The following TXN variants were observed in gnomAD, a reference collection of about 807,000 sequenced individuals.
TXN encodes thioredoxin.
A neutral mutation model predicts 16.5 loss-of-function variants in TXN; 10 were observed. That is an observed-to-expected ratio of 0.61 (90% CI 0.37 to 1.03). TXN has a LOEUF of 1.03. Ranked by LOEUF, TXN falls within the 50% of genes least tolerant of loss-of-function variation. The pLI, the probability that TXN is intolerant of heterozygous loss-of-function variation, is 0.01. For synonymous variants in TXN, 35 were observed against 39.4 expected, an observed-to-expected ratio of 0.89 and a Z score of 0.42; for missense variants, 71 against 122.5, an observed-to-expected ratio of 0.58 and a Z score of 1.98.
intron 3 of TXN, among the ~76,000 whole-genome samples, chr9:110,245,650 A>ATTTT (rs1230575444): frequency 2.8e-4 from 7 of 24,642 alleles, no homozygotes; most frequent in East Asian, 2.7e-3. Flanking sequence ...ATATATATAT[A>ATTTT]TATATTTTTT....
chr9:110,256,316 T>G lies in TXN; in HGVS notation c.24+96A>C. The G allele has an allele frequency of 6.6e-6, 8 of 1,218,128 alleles. No homozygotes were observed. Among genetic ancestry groups the G allele is most frequent in the Non-Finnish European group, 9.2e-6 (8 of 874,204 alleles). 75.5% of individuals were successfully genotyped at this position (1,218,128 alleles called of 1,614,324 possible). A position where few individuals can be genotyped will look rare whatever the true frequency, so the allele number is the denominator to read the frequency against. ...GATGCGGAGGGGCGGCCTCCGCACCTCCCGCCACCGCCTTCCCCACCTCCC... is the reference window on the plus strand; with the variant it reads ...GATGCGGAGGGGCGGCCTCCGCACCGCCCGCCACCGCCTTCCCCACCTCCC... On this transcript the variant is annotated intron_variant, in intron 1 of 4. Transcript: ENST00000374517. This position sits in a 1 kb window ranked among gnomAD's most constrained non-coding sequence, Gnocchi z 4.2.
chr9:110,251,272 C>T lies in TXN; in HGVS notation c.129+86G>A. 3 of 1,033,360 alleles carry T rather than the reference C, an allele frequency of 2.9e-6. No homozygotes were observed. In the South Asian group the frequency reaches 4.0e-5, roughly 14 times the overall value. 64.0% of individuals were successfully genotyped at this position (1,033,360 alleles called of 1,614,324 possible). A position where few individuals can be genotyped will look rare whatever the true frequency, so the allele number is the denominator to read the frequency against. On this transcript the variant is annotated intron_variant, in intron 2 of 4. Coordinates refer to ENST00000374517, the MANE Select transcript of TXN (RefSeq NM_003329.4). ...AAATCCCCCCACCGAAACCAAAATC[C>T]TTTAACTGTCTTTCTTTCCTACCAC...
chr9:110,251,321 C>G (rs1333421757), intron 2 of TXN, 37 bp downstream of exon 2: 8 of 1,510,914 alleles, frequency 5.3e-6, no homozygotes, highest in Non-Finnish European at 7.3e-6. Flanking sequence ...TCAAAAAACA[C>G]AAATCTCTTA....
intron 3 of TXN, among the ~76,000 whole-genome samples, chr9:110,245,536 A>C (rs1179454020): frequency 1.4e-5 from 2 of 138,848 alleles, no homozygotes; most frequent in African/African-American, 5.4e-5. Flanking sequence ...CAGCCTCCCC[A>C]GTAGCTGGGA....
At chr9:110,244,930 T>G in intron 3 of TXN, 87 bp from the exon 4 acceptor site, 2 of 1,074,610 alleles carry the variant, frequency 1.9e-6, no homozygotes, top group Non-Finnish European at 2.8e-6. Context: ...ACCAGAAACT[T>G]TTCCCTGTCA....
At chr9:110,245,641 TA>T (rs1564367433) in intron 3 of TXN, among the ~76,000 whole-genome samples, 386 of 32,828 alleles carry the variant, frequency 0.012, 36 homozygotes, top group African/African-American at 0.045. Context: ...TATATATATA[TA>T]TATATATATA....
At chr9:110,245,631 T>C (rs1225647305) in intron 3 of TXN, among the ~76,000 whole-genome samples, 2 of 21,740 alleles carry the variant, frequency 9.2e-5, no homozygotes, top group African/African-American at 4.7e-4. Context: ...TATATATATA[T>C]ATATATATAT....
chr9:110,245,400 G>A (rs1450071769), intron 3 of TXN, among the ~76,000 whole-genome samples: 1 of 150,738 alleles, frequency 6.6e-6, no homozygotes, highest in East Asian at 2.0e-4. Flanking sequence ...CCCCACACTG[G>A]GTTTACTGAT....
chr9:110,255,152 G>T (rs1363759885), intron 1 of TXN, among the ~76,000 whole-genome samples: 1 of 152,154 alleles, frequency 6.6e-6, no homozygotes, highest in African/African-American at 2.4e-5. Flanking sequence ...TTCTGTTTCC[G>T]AAGCCCACCC....
chr9:110,253,100 C>T (rs727495), intron 1 of TXN, among the ~76,000 whole-genome samples: 3 of 150,074 alleles, frequency 2.0e-5, no homozygotes, highest in African/African-American at 2.5e-5. Flanking sequence ...CAAGAGGTCT[C>T]GTAAAGAAAG....
Position 110,256,418 on chromosome 9 carries a change from C to G in TXN, c.18G>C (p.Glu6Asp), listed in dbSNP as rs1014607001. 4 of 1,607,602 alleles carry G rather than the reference C, an allele frequency of 2.5e-6. No homozygotes were observed. Among genetic ancestry groups the G allele is most frequent in the East Asian group, 2.2e-5 (1 of 44,502 alleles). The change falls in exon 1 of 5, where the codon GAG becomes GAC. Residue 6 changes from glutamate (E) to aspartate (D), a missense_variant. Transcript: ENST00000374517. The surrounding 1 kb of genome is among the most constrained non-coding windows in gnomAD (Gnocchi z 4.2). ...CTTCCCCGGTAGCGCGTACCTTGCT[C>G]TCGATCTGCTTCACCATCTTGGCTG... MVKQI[E>D]SKTAFQEALD... is the part of the protein sequence containing the mutation.
chr9:110,256,449 G>A lies in TXN; in HGVS notation c.-14C>T, dbSNP rs752874489. ...CTGCTTCACCATCTTGGCTGCTGGA[G>A]TCTGACGAGCGGCTGTAAGGACCGA... On this transcript the variant is annotated 5_prime_UTR_variant, in exon 1 of 5. Coordinates refer to ENST00000374517, the MANE Select transcript of TXN (RefSeq NM_003329.4). This position sits in a 1 kb window ranked among gnomAD's most constrained non-coding sequence, Gnocchi z 4.2. 15 of 1,605,600 alleles carry A rather than the reference G, an allele frequency of 9.3e-6. No individual in the cohort carries two copies. The Admixed American group carries it at 1.9e-4, about 20-fold the overall frequency.
intron 3 of TXN, among the ~76,000 whole-genome samples, chr9:110,248,093 C>T (rs962492453): frequency 5.3e-5 from 8 of 151,954 alleles, no homozygotes; most frequent in Non-Finnish European, 1.2e-4. Context: ...CTGTACAATG[C>T]ATTCGTGTTT....
intron 3 of TXN, among the ~76,000 whole-genome samples, chr9:110,250,180 A>C (rs1301923343): frequency 6.6e-6 from 1 of 152,236 alleles, no homozygotes; most frequent in Non-Finnish European, 1.5e-5. Context: ...TCTGTGTTTC[A>C]GTTTTCTCAT....
At position 110,244,850 on chromosome 9, in the gene TXN, G is replaced by C; in HGVS notation, c.190-7C>G. 6.2e-7 allele frequency: 1 copy of C among 1,612,086 alleles called. No homozygotes were observed. The highest frequency in any genetic ancestry group is 8.5e-7 in the Non-Finnish European group (1 of 1,178,474). ...CACACTCTGAAGCAACATCCTGGTA[G>C]GGAAAGTAGCAAAGGGAGAGGATTA... On this transcript the variant is annotated splice_region_variant and splice_polypyrimidine_tract_variant and intron_variant, in intron 3 of 4. Transcript: ENST00000374517.
chr9:110,249,632 A>G (rs1229789235), intron 3 of TXN, among the ~76,000 whole-genome samples: 1 of 152,230 alleles, frequency 6.6e-6, no homozygotes, highest in African/African-American at 2.4e-5. Flanking sequence ...TGGAGAAGAC[A>G]GCACAAGCCA....
chr9:110,253,203 G>A (rs2118580637), intron 1 of TXN, among the ~76,000 whole-genome samples: 1 of 151,362 alleles, frequency 6.6e-6, no homozygotes, highest in Admixed American at 6.6e-5. Flanking sequence ...TGTACTAATA[G>A]TTACTTCTCT....
intron 3 of TXN, among the ~76,000 whole-genome samples, chr9:110,248,048 T>C (rs4135205): frequency 6.6e-5 from 10 of 152,300 alleles, no homozygotes; most frequent in African/African-American, 2.4e-4. Flanking sequence ...AAAAAGCTTA[T>C]AGACTAAGGA....
At chr9:110,252,290 G>A (rs1270596787) in intron 1 of TXN, among the ~76,000 whole-genome samples, 3 of 145,266 alleles carry the variant, frequency 2.1e-5, no homozygotes, top group South Asian at 2.2e-4. Context: ...TGGACCATAC[G>A]AAAATCTAAA....
Sources: allele counts gnomAD v4.1 joint callset (sites outside exome capture counted in the v4.1 genomes callset), GRCh38; gene constraint gnomAD v4.1.1; non-coding constraint Gnocchi (gnomAD v3.1); transcripts MANE v1.5; gene names NCBI Gene and HGNC (gene_info 2026-07-23, HGNC 2026-07-21).